Variants in GHR observed in about 807,000 individuals in gnomAD.
The protein encoded by GHR is GH receptor.
GHR carries 35 observed loss-of-function variants against 67.1 expected under a neutral mutation model. That is an observed-to-expected ratio of 0.52 (90% CI 0.40 to 0.69). GHR has a LOEUF of 0.69. GHR is among the 30% of genes least tolerant of loss of function. The pLI is 0.00. For missense variants in GHR, 792 were observed against 764.6 expected (o/e 1.04, Z -0.42); for synonymous variants, 272 against 269.1 (o/e 1.01, Z -0.10).
At chr5:42,651,131 C>T (rs981630245) in intron 3 of GHR, among the ~76,000 whole-genome samples, 3 of 152,174 alleles carry the variant, frequency 2.0e-5, no homozygotes, top group Admixed American at 2.0e-4. Flanking sequence ...GCTGACAAGG[C>T]TGGAGCTACT....
intron 1 of GHR, among the ~76,000 whole-genome samples, chr5:42,513,237 C>T (rs1424976870): frequency 6.6e-6 from 1 of 152,080 alleles, no homozygotes; most frequent in African/African-American, 2.4e-5. Context: ...TGTGTAGGAG[C>T]AGTTATTTGG....
At chr5:42,444,534 A>G (rs1304935260) in intron 1 of GHR, among the ~76,000 whole-genome samples, 1 of 152,164 alleles carries the variant, frequency 6.6e-6, no homozygotes, top group Admixed American at 6.5e-5. Context: ...ACCTGAAATA[A>G]TTGCCATTTT....
chr5:42,553,868 A>C (rs2112430330), intron 1 of GHR, among the ~76,000 whole-genome samples: 1 of 152,276 alleles, frequency 6.6e-6, no homozygotes, highest in Non-Finnish European at 1.5e-5. Context: ...TTCTGATCTT[A>C]ATTCCATATT....
chr5:42,431,081 A>G (rs997443663), intron 1 of GHR, among the ~76,000 whole-genome samples: 8 of 152,186 alleles, frequency 5.3e-5, no homozygotes, highest in Admixed American at 5.2e-4. Context: ...AATTCTCTTC[A>G]GGGCTATTGT....
At chr5:42,599,027 T>A (rs537310754) in intron 2 of GHR, among the ~76,000 whole-genome samples, 9 of 152,342 alleles carry the variant, frequency 5.9e-5, no homozygotes, top group African/African-American at 2.2e-4. Flanking sequence ...CTGGCACCAT[T>A]TCAAAGCTTT....
chr5:42,461,811 C>T (rs570939913), intron 1 of GHR, among the ~76,000 whole-genome samples: 7 of 152,186 alleles, frequency 4.6e-5, no homozygotes, highest in Admixed American at 2.0e-4. Flanking sequence ...TTTAATCCAG[C>T]GACACTGAGG....
intron 2 of GHR, among the ~76,000 whole-genome samples, chr5:42,585,367 C>CAA (rs1751420900): frequency 6.6e-6 from 1 of 152,134 alleles, no homozygotes; most frequent in Non-Finnish European, 1.5e-5. Context: ...TTTTATAAAA[C>CAA]AAATAGTCCT....
chr5:42,490,772 C>T (rs762091689), intron 1 of GHR, among the ~76,000 whole-genome samples: 4 of 152,110 alleles, frequency 2.6e-5, no homozygotes, highest in Non-Finnish European at 5.9e-5. Flanking sequence ...TAACTGTGGA[C>T]TATAAAATAC....
In GHR at chr5:42,519,872, T is replaced by C. The variant is rs145488702; in HGVS notation, c.-11-45992T>C. Among the ~76,000 whole-genome samples, 557 of 152,262 alleles carry C rather than the reference T, an allele frequency of 3.7e-3. 2 individuals are homozygous for C. The highest frequency in any genetic ancestry group is 0.013 in the African/African-American group (521 of 41,554). On this transcript the variant is annotated intron_variant, in intron 1 of 9. Transcript: ENST00000230882. ...TAGTAAAAACTGATTGTTGAATGAA[T>C]TAAATGACCATAAGTACAGTTGTTT...
intron 2 of GHR, among the ~76,000 whole-genome samples, chr5:42,575,715 A>G (rs1750621421): frequency 6.6e-6 from 1 of 151,536 alleles, no homozygotes; most frequent in East Asian, 1.9e-4. Context: ...GTGAAACCAC[A>G]CATGAAGCCT....
At chr5:42,646,467 C>A in intron 3 of GHR, 2 of 343,072 alleles carry the variant, frequency 5.8e-6, no homozygotes, top group South Asian at 2.4e-5. Flanking sequence ...TTTTATTTAC[C>A]CAGGTAAATA....
chr5:42,431,814 C>T (rs1241952928), intron 1 of GHR, among the ~76,000 whole-genome samples: 2 of 152,206 alleles, frequency 1.3e-5, no homozygotes, highest in African/African-American at 2.4e-5. Context: ...CACAGGGATT[C>T]AGTACAGGTG....
chr5:42,533,616 T>A (rs1009952204), intron 1 of GHR, among the ~76,000 whole-genome samples: 1 of 151,976 alleles, frequency 6.6e-6, no homozygotes, highest in African/African-American at 2.4e-5. Flanking sequence ...GAATTTTTTA[T>A]ATGTATGGTA....
intron 9 of GHR, 36 bp downstream of exon 9, chr5:42,718,157 T>C: frequency 2.0e-6 from 2 of 1,021,126 alleles, no homozygotes; most frequent in Non-Finnish European, 3.1e-6. Context: ...TAGCTAGTAC[T>C]AATTAACACC....
At chr5:42,475,143 G>T (rs1745245876) in intron 1 of GHR, among the ~76,000 whole-genome samples, 1 of 152,032 alleles carries the variant, frequency 6.6e-6, no homozygotes, top group Admixed American at 6.6e-5. Flanking sequence ...CTCCCAAAGT[G>T]CTGGGATTAC....
At chr5:42,468,970 G>T (rs769267572) in intron 1 of GHR, 13 of 389,138 alleles carry the variant, frequency 3.3e-5, no homozygotes, top group African/African-American at 6.3e-5. Context: ...CAATTTTTTT[G>T]AAATCCGCCT....
At chr5:42,552,815 C>T (rs1749106753) in intron 1 of GHR, among the ~76,000 whole-genome samples, 1 of 152,148 alleles carries the variant, frequency 6.6e-6, no homozygotes, top group African/African-American at 2.4e-5. Flanking sequence ...GGGAGAGCAT[C>T]ATCAAGCTTT....
chr5:42,658,568 T>C (rs963715209), intron 3 of GHR, among the ~76,000 whole-genome samples: 3 of 152,228 alleles, frequency 2.0e-5, no homozygotes, highest in Non-Finnish European at 4.4e-5. Flanking sequence ...AATGCAAATG[T>C]AATCAGAGCA....
At chr5:42,497,487 T>C (rs1746368539) in intron 1 of GHR, among the ~76,000 whole-genome samples, 1 of 152,198 alleles carries the variant, frequency 6.6e-6, no homozygotes, top group Non-Finnish European at 1.5e-5. Context: ...TTGCATAGTT[T>C]CAATGTCCTT....
Sources: allele counts gnomAD v4.1 joint callset (sites outside exome capture counted in the v4.1 genomes callset), GRCh38; gene constraint gnomAD v4.1.1; transcripts MANE v1.5; gene names NCBI Gene and HGNC (gene_info 2026-07-23, HGNC 2026-07-21).